NDST1: variants seen among roughly 807,000 people sequenced by gnomAD.
The protein encoded by NDST1 is N-deacetylase and N-sulfotransferase 1.
Under a neutral mutation model 92.8 loss-of-function variants are expected in NDST1, and 35 were observed. The observed-to-expected ratio is 0.38, with a 90% CI of 0.29 to 0.50. The LOEUF (loss-of-function observed/expected upper bound fraction) is 0.50, where lower values mean the gene tolerates loss of function less well. Ranked by LOEUF, NDST1 falls within the 20% of genes least tolerant of loss-of-function variation. NDST1 has a pLI of 0.94. For synonymous variants in NDST1, 493 were observed against 500.3 expected (o/e 0.99, Z 0.19); for missense variants, 822 against 1,182.7 (o/e 0.69, Z 4.47).
chr5:150,544,238 T>C (rs529313948), intron 10 of NDST1, among the ~76,000 whole-genome samples: 4 of 152,340 alleles, frequency 2.6e-5, no homozygotes, highest in Non-Finnish European at 5.9e-5. Context: ...AGCACCCTGT[T>C]AGCAAATTCA....
chr5:150,527,717 T>C, intron 2 of NDST1, 87 bp from the exon 3 acceptor site: 2 of 1,583,670 alleles, frequency 1.3e-6, no homozygotes, highest in Non-Finnish European at 1.7e-6. Flanking sequence ...TTGATACCAC[T>C]GTTATGGTCC....
chr5:150,527,912 TAC>T lies in NDST1; in HGVS notation c.623_624del (p.Tyr208CysfsTer5). The part of the protein sequence containing the change: ...CSINPKSPLL[Y>X]VTRPSEVEKG... ...CATCAACCCCAAGTCCCCGCTGCTC[TAC>T]GTGACGCGACCTAGCGAGGTGGAGA... On this transcript the variant is annotated frameshift_variant, in exon 3 of 15. Transcript: ENST00000261797. LOFTEE classifies it high-confidence loss of function. 5 of 1,614,216 alleles carry T rather than the reference TAC, an allele frequency of 3.1e-6. No homozygotes were observed. The highest frequency in any genetic ancestry group is 4.2e-6 in the Non-Finnish European group (5 of 1,180,026).
intron 3 of NDST1, among the ~76,000 whole-genome samples, chr5:150,531,503 T>C (rs1474521671): frequency 4.1e-5 from 6 of 148,118 alleles, no homozygotes; most frequent in Admixed American, 1.3e-4. Flanking sequence ...TTTCTCTCTT[T>C]TTTTTTTTTT....
chr5:150,540,119 A>AT lies in NDST1; in HGVS notation c.1605dup (p.Asp536Ter). On this transcript the variant is annotated frameshift_variant, in exon 8 of 15. Coordinates refer to ENST00000261797, the MANE Select transcript of NDST1 (RefSeq NM_001543.5). LOFTEE classifies it high-confidence loss of function. Reference sequence around the variant, plus strand: ...ATGACGCACCTGTCCAACTATGGGAATGACCGCCTGGGCCTGTACACCTTC... The same window carrying AT: ...ATGACGCACCTGTCCAACTATGGGAATTGACCGCCTGGGCCTGTACACCTTC... The AT allele has an allele frequency of 6.2e-7, 1 of 1,614,204 alleles. No homozygotes were observed. Among genetic ancestry groups the AT allele is most frequent in the Non-Finnish European group, 8.5e-7 (1 of 1,180,036 alleles).
chr5:150,501,782 C>A (rs1753242881), intron 1 of NDST1, among the ~76,000 whole-genome samples: 1 of 152,180 alleles, frequency 6.6e-6, no homozygotes, highest in South Asian at 2.1e-4. Flanking sequence ...AACAAGCTCA[C>A]TGTCAGGTGG....
chr5:150,502,373 C>T (rs1753273417), intron 1 of NDST1, among the ~76,000 whole-genome samples: 1 of 152,094 alleles, frequency 6.6e-6, no homozygotes, highest in African/African-American at 2.4e-5. Context: ...AGAGTGTTGA[C>T]CGCAAGGTTT....
rs1299335813 is a variant in NDST1, at chr5:150,534,991, G to A, written c.1221G>A (p.Glu407=). ...TCCACAACCAGTCCGTGTTGGCCGA[G>A]CAGATGGCCTTGAACAAGAAGTTCG... ...HLFHNQSVLA[E]QMALNKKFAV... is the part of the protein sequence containing the mutation. Residue 407 remains glutamate (E), a synonymous_variant, in exon 5 of 15, where the codon GAG becomes GAA. Coordinates refer to ENST00000261797, the MANE Select transcript of NDST1 (RefSeq NM_001543.5). 1.2e-6 allele frequency: 2 copies of A among 1,614,270 alleles called. No individual in the cohort carries two copies. The highest frequency in any genetic ancestry group is 1.1e-5 in the South Asian group (1 of 91,092).
Position 150,525,512 on chromosome 5 carries a change from G to A in NDST1, c.514-2292G>A, listed in dbSNP as rs184362378. ...AGGGCTGTCTTAGGAGTCGTGAGCA[G>A]CCTGGAGTTGGGGAGGTAGCTGAGG... On this transcript the variant is annotated intron_variant, in intron 2 of 14. Transcript: ENST00000261797. Among the ~76,000 whole-genome samples, 38 of 152,336 alleles carry A rather than the reference G, an allele frequency of 2.5e-4. No homozygotes were observed. The East Asian group carries it at 7.1e-3, about 29-fold the overall frequency.
rs1417096372 is a variant in NDST1 at position 150,535,964 on chromosome 5, T to A, written c.1437+79T>A. ...CATGTGTGTGCATACGCTGTCCTGGTAAGCACGGCTCTGGTTTGCTGGCTT... is the reference window on the plus strand; with the variant it reads ...CATGTGTGTGCATACGCTGTCCTGGAAAGCACGGCTCTGGTTTGCTGGCTT... On this transcript the variant is annotated intron_variant, in intron 6 of 14. Coordinates refer to ENST00000261797, the MANE Select transcript of NDST1 (RefSeq NM_001543.5). The A allele has an allele frequency of 8.7e-6, 13 of 1,493,232 alleles. No individual in the cohort carries two copies. In the East Asian group the frequency reaches 2.9e-4, roughly 34 times the overall value. The allele number at this position is 1,493,232 out of a possible 1,614,324, so 92.5% of individuals were successfully genotyped here.
intron 7 of NDST1, 124 bp from the exon 8 acceptor site, chr5:150,539,958 C>T (rs951497197): frequency 6.6e-5 from 88 of 1,337,128 alleles, no homozygotes; most frequent in Admixed American, 1.6e-4. Flanking sequence ...ACAGCGCCAG[C>T]GTAACTTCCA....
At chr5:150,505,452 A>T (rs59200799), upstream of NDST1, among the ~76,000 whole-genome samples, 4,414 of 152,268 alleles carry the variant, frequency 0.029, 221 homozygotes, top group African/African-American at 0.1. Flanking sequence ...CCCAACAGGG[A>T]CCTTAAGCAA....
chr5:150,548,467 C>T (rs1255412951), intron 12 of NDST1, 79 bp downstream of exon 12: 2 of 1,515,192 alleles, frequency 1.3e-6, no homozygotes, highest in Non-Finnish European at 1.8e-6. Context: ...CCAACTCTTT[C>T]TCACCAGCCG....
Position 150,521,658 on chromosome 5 carries a change from T to G in NDST1, c.404T>G (p.Leu135Arg). ...LTDKGRGRFA[L>R]IIYENILKYV... ...GACAAGGGCCGTGGCCGCTTCGCCC[T>G]CATCATCTATGAGAACATCCTCAAG... The change falls in exon 2 of 15, where the codon CTC (leucine) becomes CGC (arginine). Residue 135 changes from leucine to arginine, a missense_variant. Physicochemically the swap from Leu to Arg is moderately radical, Grantham distance 102. Coordinates refer to ENST00000261797, the MANE Select transcript of NDST1 (RefSeq NM_001543.5). The surrounding 1 kb of genome is among the most constrained non-coding windows in gnomAD (Gnocchi z 5.9). 1 of 1,614,050 alleles carries G rather than the reference T, an allele frequency of 6.2e-7. No individual in the cohort carries two copies. The highest frequency in any genetic ancestry group is 8.5e-7 in the Non-Finnish European group (1 of 1,180,020).
Position 150,528,165 on chromosome 5 carries a change from T to A in NDST1, c.875T>A (p.Leu292His). 6.2e-7 allele frequency: 1 copy of A among 1,614,240 alleles called. No individual in the cohort carries two copies. The highest frequency in any genetic ancestry group is 8.5e-7 in the Non-Finnish European group (1 of 1,180,046). The change falls in exon 3 of 15, where the codon CTT becomes CAT. Residue 292 changes from leucine to histidine, a missense_variant. Transcript: ENST00000261797. ...AACCTGAACTTCTGGCTGCACAAGC[T>A]TGTCTTCGTGGATGCCGTGGCCTTC... Reference protein sequence around the residue: ...GNNLNFWLHKLVFVDAVAFLT... With the variant: ...GNNLNFWLHKHVFVDAVAFLT...
intron 6 of NDST1, 58 bp from the exon 7 acceptor site, chr5:150,539,170 C>T (rs892923928): frequency 4.2e-6 from 6 of 1,427,734 alleles, no homozygotes; most frequent in South Asian, 1.1e-5. Context: ...AGGAAGAGTC[C>T]TCCCACCACC....
rs779604955 is a variant in NDST1, at chr5:150,541,589, G to A, written c.1769G>A (p.Arg590His). The A allele has an allele frequency of 2.5e-6, 4 of 1,614,052 alleles. No homozygotes were observed. Among genetic ancestry groups the A allele is most frequent in the South Asian group, 1.1e-5 (1 of 91,088 alleles). The part of the protein sequence containing the change: ...PLWQDPCEDK[R>H]HKDIWSKEKT... ...TTTTAGGACCCCTGCGAGGACAAAC[G>A]TCACAAAGACATCTGGTCCAAGGAG... is the stretch of plus-strand genomic sequence containing the variant. The change falls in exon 9 of 15, where the codon CGT becomes CAT. Residue 590 changes from arginine to histidine, a missense_variant. By Grantham distance (29) the Arg-to-His change is conservative. Transcript: ENST00000261797.
At position 150,539,002 on chromosome 5, in the gene NDST1, GC is replaced by G. The variant is rs575625915; in HGVS notation, c.1438-225del. Among the ~76,000 whole-genome samples the G allele has an allele frequency of 7.1e-3, 1,082 of 152,334 alleles. 6 individuals carry two copies. The highest frequency in any genetic ancestry group is 0.012 in the Non-Finnish European group (789 of 68,030). ...TTCCCACTCTGTTACTTTGAGGCCT[GC>G]TCATTTTGTGCAGAGAATAGCAGTG... On this transcript the variant is annotated intron_variant, in intron 6 of 14. Coordinates refer to ENST00000261797, the MANE Select transcript of NDST1 (RefSeq NM_001543.5).
At chr5:150,505,159 A>T (rs186924392), upstream of NDST1, among the ~76,000 whole-genome samples, 8 of 152,230 alleles carry the variant, frequency 5.3e-5, no homozygotes, top group African/African-American at 1.9e-4. Flanking sequence ...CGATGAGGGC[A>T]TTGTAACCAC....
intron 1 of NDST1, among the ~76,000 whole-genome samples, chr5:150,519,613 G>A (rs1007960911): frequency 2.4e-4 from 37 of 152,198 alleles, no homozygotes; most frequent in African/African-American, 8.4e-4. Flanking sequence ...ACTTAAACTG[G>A]GGAGGCGGAG....
Sources: gnomAD v4.1 joint callset for allele counts (sites outside exome capture counted in the v4.1 genomes callset) on GRCh38, gnomAD v4.1.1 for gene constraint, Gnocchi (gnomAD v3.1) non-coding constraint, MANE v1.5 for transcripts, NCBI Gene and HGNC (gene_info 2026-07-23, HGNC 2026-07-21) for gene names.